SLC35F1: variants seen among roughly 807,000 people sequenced by gnomAD.
SLC35F1 encodes chromosome 6 open reading frame 169.
SLC35F1 carries 14 observed loss-of-function variants against 48.7 expected under a neutral mutation model. That is an observed-to-expected ratio of 0.29 (90% CI 0.19 to 0.45). The LOEUF is 0.45. Among genes scored for constraint, SLC35F1 ranks in the 20% least tolerant of loss-of-function variants. The pLI is 1.00. For missense variants in SLC35F1, 404 were observed against 500.0 expected (o/e 0.81, Z 1.83); for synonymous variants, 190 against 202.2 (o/e 0.94, Z 0.51).
At chr6:118,161,958 T>G (rs1320144815) in intron 2 of SLC35F1, among the ~76,000 whole-genome samples, 1 of 152,150 alleles carries the variant, frequency 6.6e-6, no homozygotes, top group African/African-American at 2.4e-5. Flanking sequence ...CTTTGGAAAA[T>G]AGCTTGTCAT....
chr6:118,009,746 A>G (rs931486130), intron 1 of SLC35F1, among the ~76,000 whole-genome samples: 1 of 152,150 alleles, frequency 6.6e-6, no homozygotes, highest in Non-Finnish European at 1.5e-5. Flanking sequence ...TGAGTGCACA[A>G]AATGACAACC....
At chr6:118,119,748 A>G (rs539376761) in intron 1 of SLC35F1, among the ~76,000 whole-genome samples, 1 of 152,292 alleles carries the variant, frequency 6.6e-6, no homozygotes, top group Admixed American at 6.5e-5. Flanking sequence ...TTCAAATTAC[A>G]TAAATAACAC....
chr6:117,990,567 A>G (rs1477369115), intron 1 of SLC35F1, among the ~76,000 whole-genome samples: 1 of 152,200 alleles, frequency 6.6e-6, no homozygotes. Context: ...CCTTGCTTGC[A>G]TTTGCATTGC....
intron 7 of SLC35F1, among the ~76,000 whole-genome samples, chr6:118,298,785 G>A (rs1218661215): frequency 6.6e-6 from 1 of 152,106 alleles, no homozygotes; most frequent in South Asian, 2.1e-4. Context: ...TGATTAAACC[G>A]CTTTTCTTAT....
intron 1 of SLC35F1, among the ~76,000 whole-genome samples, chr6:118,040,127 T>A (rs146734664): frequency 2.0e-5 from 3 of 152,302 alleles, no homozygotes; most frequent in Non-Finnish European, 4.4e-5. Context: ...AAATGTTTCC[T>A]TCTCTGTCTC....
At position 118,285,215 on chromosome 6, in the gene SLC35F1, G is replaced by A; in HGVS notation, c.879G>A (p.Met293Ile). ...GLLYVGFSAC[M>I]FGLYSFMPVV... is the part of the protein sequence containing the mutation. Reference sequence around the variant, plus strand: ...TCTACGTTGGCTTTAGTGCCTGCATGTTTGGTCTCTACAGCTTTATGCCAG... The same window carrying A: ...TCTACGTTGGCTTTAGTGCCTGCATATTTGGTCTCTACAGCTTTATGCCAG... The change falls in exon 7 of 8, where the codon ATG (methionine) becomes ATA (isoleucine). Residue 293 changes from methionine to isoleucine, a missense_variant. By Grantham distance (10) the Met-to-Ile change is conservative (BLOSUM62 1). Coordinates refer to ENST00000360388, the MANE Select transcript of SLC35F1 (RefSeq NM_001029858.4). The A allele has an allele frequency of 1.2e-6, 2 of 1,613,946 alleles. No individual in the cohort carries two copies. Among genetic ancestry groups the A allele is most frequent in the Non-Finnish European group, 1.7e-6 (2 of 1,179,864 alleles).
intron 1 of SLC35F1, among the ~76,000 whole-genome samples, chr6:117,914,773 G>T (rs1046409963): frequency 6.6e-6 from 1 of 152,042 alleles, no homozygotes; most frequent in African/African-American, 2.4e-5. Context: ...TAAATTAGTT[G>T]TTTCACTTTT....
Position 117,992,246 on chromosome 6 carries a change from T to G in SLC35F1, c.173+84347T>G, listed in dbSNP as rs372333800. Among the ~76,000 whole-genome samples the G allele has an allele frequency of 1.7e-3, 262 of 152,324 alleles. 1 individual carries two copies. The highest frequency in any genetic ancestry group is 6.1e-3 in the African/African-American group (253 of 41,584). ...GTTTTACACAAAGTATTATTTACTT[T>G]CATTTATGAGATATTTAACATCATT... On this transcript the variant is annotated intron_variant, in intron 1 of 7. Transcript: ENST00000360388.
intron 1 of SLC35F1, among the ~76,000 whole-genome samples, chr6:117,938,205 C>G (rs1467106983): frequency 6.6e-6 from 1 of 152,034 alleles, no homozygotes; most frequent in Admixed American, 6.6e-5. Context: ...GTGTTTTTAT[C>G]TCTGCTAAGT....
At chr6:118,050,541 T>C (rs769667759) in intron 1 of SLC35F1, among the ~76,000 whole-genome samples, 7 of 151,870 alleles carry the variant, frequency 4.6e-5, no homozygotes, top group Non-Finnish European at 8.8e-5. Flanking sequence ...AAGTGATAGC[T>C]AAGGAAGAAC....
At chr6:117,991,454 T>C (rs1329598159) in intron 1 of SLC35F1, among the ~76,000 whole-genome samples, 3 of 152,340 alleles carry the variant, frequency 2.0e-5, no homozygotes, top group East Asian at 1.9e-4. Flanking sequence ...GTAATTAAAT[T>C]AGAGTACTGA....
intron 1 of SLC35F1, among the ~76,000 whole-genome samples, chr6:118,068,749 C>T (rs9374709): frequency 0.23 from 35,399 of 151,962 alleles, 4,339 homozygotes; most frequent in East Asian, 0.34. Flanking sequence ...AAGCATTCTG[C>T]GCATATTATC....
At position 118,266,763 on chromosome 6, in the gene SLC35F1, T is replaced by G. The variant is rs57655727; in HGVS notation, c.478-232T>G. The stretch of plus-strand genomic sequence containing the variant: ...CACCAGCCTGTCTTATCAATTTGCC[T>G]TCTCCCCTTTCCCTTAAAGTTTGGG... On this transcript the variant is annotated intron_variant, in intron 3 of 7. Transcript: ENST00000360388. 9.1e-3 allele frequency among the ~76,000 whole-genome samples: 1,380 copies of G among 152,298 alleles called. 24 individuals carry two copies. Among genetic ancestry groups the G allele is most frequent in the African/African-American group, 0.032 (1,329 of 41,572 alleles).
intron 2 of SLC35F1, among the ~76,000 whole-genome samples, chr6:118,166,891 G>A (rs1189411405): frequency 1.3e-5 from 2 of 152,104 alleles, no homozygotes; most frequent in Non-Finnish European, 2.9e-5. Context: ...TATACTTTTA[G>A]TTCTGAAGAG....
intron 1 of SLC35F1, among the ~76,000 whole-genome samples, chr6:118,117,249 A>G (rs1227342485): frequency 6.6e-6 from 1 of 152,174 alleles, no homozygotes; most frequent in Non-Finnish European, 1.5e-5. Flanking sequence ...TTATCTGTAC[A>G]TGTATTTTCT....
At chr6:118,302,423 A>G (rs1776264656) in intron 7 of SLC35F1, among the ~76,000 whole-genome samples, 1 of 152,204 alleles carries the variant, frequency 6.6e-6, no homozygotes, top group South Asian at 2.1e-4. Context: ...AGAATCATAT[A>G]TCCAGAGAAA....
chr6:117,922,689 G>A (rs189634568), intron 1 of SLC35F1, among the ~76,000 whole-genome samples: 10 of 152,302 alleles, frequency 6.6e-5, no homozygotes, highest in African/African-American at 2.4e-4. Flanking sequence ...ATGGGACATT[G>A]GACATTAGGA....
At chr6:118,251,950 A>T (rs537579089) in intron 3 of SLC35F1, among the ~76,000 whole-genome samples, 2 of 152,128 alleles carry the variant, frequency 1.3e-5, no homozygotes, top group Non-Finnish European at 2.9e-5. Context: ...TAAAATACGC[A>T]TAGATATGGG....
At chr6:118,129,396 A>G (rs1361404882) in intron 1 of SLC35F1, among the ~76,000 whole-genome samples, 2 of 152,184 alleles carry the variant, frequency 1.3e-5, no homozygotes, top group Non-Finnish European at 2.9e-5. Context: ...GGAGATAAGT[A>G]AAAAATGAGG....
Sources: allele counts gnomAD v4.1 joint callset (sites outside exome capture counted in the v4.1 genomes callset), GRCh38; gene constraint gnomAD v4.1.1; transcripts MANE v1.5; gene names NCBI Gene and HGNC (gene_info 2026-07-23, HGNC 2026-07-21).